Variants in HOOK1 observed in about 807,000 individuals in gnomAD.
HOOK1 encodes hook microtubule tethering protein 1, also known as protein Hook homolog 1.
HOOK1 carries 60 observed loss-of-function variants against 112.8 expected under a neutral mutation model. The ratio of observed to expected loss-of-function variants is 0.53; its 90% CI spans 0.43 to 0.66. The LOEUF (loss-of-function observed/expected upper bound fraction) is 0.66, where lower values mean the gene tolerates loss of function less well. HOOK1 is among the 30% of genes least tolerant of loss of function. HOOK1 has a pLI of 0.00. For missense variants in HOOK1, 770 were observed against 856.0 expected (o/e 0.90, Z 1.25); for synonymous variants, 294 against 283.8 (o/e 1.04, Z -0.36).
chr1:59,818,856 G>A (rs950109925), intron 1 of HOOK1, among the ~76,000 whole-genome samples: 1 of 152,094 alleles, frequency 6.6e-6, no homozygotes, highest in Non-Finnish European at 1.5e-5. Context: ...GTTGATCCAA[G>A]ATTGAGTTTT....
At chr1:59,867,454 T>A (rs149769267) in intron 19 of HOOK1, among the ~76,000 whole-genome samples, 1 of 152,198 alleles carries the variant, frequency 6.6e-6, no homozygotes, top group Non-Finnish European at 1.5e-5. Flanking sequence ...TACCATCCAG[T>A]CTTCTTCTTT....
At chr1:59,857,063 G>T (rs1385136767) in intron 12 of HOOK1, among the ~76,000 whole-genome samples, 1 of 152,144 alleles carries the variant, frequency 6.6e-6, no homozygotes, top group East Asian at 1.9e-4. Flanking sequence ...AGTACCTGTG[G>T]TGGCAAACAG....
chr1:59,842,384 T>G (rs1362016033), intron 8 of HOOK1, among the ~76,000 whole-genome samples: 1 of 152,158 alleles, frequency 6.6e-6, no homozygotes, highest in Non-Finnish European at 1.5e-5. Context: ...GTAATAGTAG[T>G]CACTAAACAG....
At chr1:59,870,459 T>C (rs1260336048) in intron 20 of HOOK1, among the ~76,000 whole-genome samples, 2 of 152,220 alleles carry the variant, frequency 1.3e-5, no homozygotes, top group Non-Finnish European at 2.9e-5. Flanking sequence ...ATATACTTTT[T>C]GTATCATGAA....
chr1:59,859,534 A>G (rs1024380120), intron 14 of HOOK1, among the ~76,000 whole-genome samples: 2 of 152,030 alleles, frequency 1.3e-5, no homozygotes. Flanking sequence ...GGCATTCAGA[A>G]GAACAAAAAT....
chr1:59,862,267 A>G (rs562944081), intron 15 of HOOK1, among the ~76,000 whole-genome samples: 6 of 152,312 alleles, frequency 3.9e-5, no homozygotes, highest in Admixed American at 2.6e-4. Context: ...TTCCAGTGGA[A>G]GTAACTCTTA....
chr1:59,872,824 A>G lies in HOOK1; in HGVS notation c.2046A>G (p.Glu682=). Residue 682 remains glutamate, a synonymous_variant, in exon 22 of 22, where the codon GAA becomes GAG. Coordinates refer to ENST00000371208, the MANE Select transcript of HOOK1 (RefSeq NM_015888.6). Reference sequence around the variant, plus strand: ...TAGCATTCCAGAAACTGGGGATGGAATCTAGACTTGTGAGCGGCGGTGGTG... The same window carrying G: ...TAGCATTCCAGAAACTGGGGATGGAGTCTAGACTTGTGAGCGGCGGTGGTG... ...KSLAFQKLGM[E]SRLVSGGGAC... is the part of the protein sequence containing the mutation. 1 of 1,467,146 alleles carries G rather than the reference A, an allele frequency of 6.8e-7. No individual in the cohort carries two copies. The highest frequency in any genetic ancestry group is 9.1e-7 in the Non-Finnish European group (1 of 1,096,494). The allele number at this position is 1,467,146 out of a possible 1,614,324, so 90.9% of individuals were successfully genotyped here. A position where few individuals can be genotyped will look rare whatever the true frequency, so the allele number is the denominator to read the frequency against.
chr1:59,873,032 A>G lies in HOOK1; in HGVS notation c.*67A>G. 1 of 1,179,382 alleles carries G rather than the reference A, an allele frequency of 8.5e-7. No individual in the cohort carries two copies. The highest frequency in any genetic ancestry group is 1.1e-6 in the Non-Finnish European group (1 of 906,546). The allele number at this position is 1,179,382 out of a possible 1,614,324, so 73.1% of individuals were successfully genotyped here. A position where few individuals can be genotyped will look rare whatever the true frequency, so the allele number is the denominator to read the frequency against. ...TAGAAGTGTCCTTAAAATATTTTGT[A>G]CCTTTCAACTAACTACCAGATTGAA... On this transcript the variant is annotated 3_prime_UTR_variant, in exon 22 of 22. Coordinates refer to ENST00000371208, the MANE Select transcript of HOOK1 (RefSeq NM_015888.6).
At chr1:59,821,677 C>A (rs34986693) in intron 1 of HOOK1, among the ~76,000 whole-genome samples, 181 bp from the exon 2 acceptor site, 7,232 of 151,978 alleles carry the variant, frequency 0.048, 396 homozygotes, top group African/African-American at 0.13. Context: ...TATAAAGTTA[C>A]ACAGCCATAG....
At chr1:59,833,621 T>G (rs999311446) in intron 5 of HOOK1, 84 bp downstream of exon 5, 52 of 1,173,756 alleles carry the variant, frequency 4.4e-5, no homozygotes, top group Admixed American at 5.7e-5. Flanking sequence ...AATCATACTA[T>G]TAAAGCTTGG....
At chr1:59,829,241 T>C (rs2098392125) in intron 3 of HOOK1, among the ~76,000 whole-genome samples, 1 of 152,140 alleles carries the variant, frequency 6.6e-6, no homozygotes, top group Non-Finnish European at 1.5e-5. Flanking sequence ...TTAGTAGTTA[T>C]TTCTTTTTTT....
intron 12 of HOOK1, among the ~76,000 whole-genome samples, chr1:59,856,223 G>A (rs1230915867): frequency 6.7e-6 from 1 of 149,358 alleles, no homozygotes; most frequent in Non-Finnish European, 1.5e-5. Context: ...GGGATTCCAG[G>A]CATGAGCTAC....
At chr1:59,864,714 TA>T in intron 17 of HOOK1, 48 bp downstream of exon 17, 1 of 1,140,934 alleles carries the variant, frequency 8.8e-7, no homozygotes, top group East Asian at 2.4e-5. Context: ...GGAGGGGTTG[TA>T]AAAGCCTCTA....
chr1:59,815,661 G>C (rs2098380809), intron 1 of HOOK1, among the ~76,000 whole-genome samples: 1 of 151,970 alleles, frequency 6.6e-6, no homozygotes, highest in African/African-American at 2.4e-5. Flanking sequence ...GCCAGGAGGT[G>C]GCTGGCTGTT....
At chr1:59,816,633 A>G (rs1242710518) in intron 1 of HOOK1, among the ~76,000 whole-genome samples, 1 of 152,210 alleles carries the variant, frequency 6.6e-6, no homozygotes, top group African/African-American at 2.4e-5. Context: ...CACTCTTTTA[A>G]CCAGAATTTA....
At chr1:59,867,736 A>G (rs1480807713) in intron 19 of HOOK1, among the ~76,000 whole-genome samples, 1 of 152,152 alleles carries the variant, frequency 6.6e-6, no homozygotes, top group African/African-American at 2.4e-5. Context: ...TTTTGCAAAT[A>G]AAATCACCAG....
chr1:59,829,201 A>G (rs974772277), intron 3 of HOOK1, among the ~76,000 whole-genome samples: 28 of 152,050 alleles, frequency 1.8e-4, no homozygotes, highest in African/African-American at 6.8e-4. Flanking sequence ...CACTCAGTGT[A>G]ATTTTTCAGT....
chr1:59,839,974 T>G (rs1484816928), intron 7 of HOOK1, among the ~76,000 whole-genome samples: 2 of 152,198 alleles, frequency 1.3e-5, no homozygotes, highest in Non-Finnish European at 2.9e-5. Flanking sequence ...TTGGTTCTGT[T>G]TATGTGATGG....
chr1:59,821,987 A>G (rs1559042276), intron 2 of HOOK1, 44 bp downstream of exon 2: 2 of 1,433,856 alleles, frequency 1.4e-6, no homozygotes. Context: ...TGTAAACCCA[A>G]TACATACCAA....
Sources: gnomAD v4.1 joint callset for allele counts (sites outside exome capture counted in the v4.1 genomes callset) on GRCh38, gnomAD v4.1.1 for gene constraint, MANE v1.5 for transcripts, NCBI Gene and HGNC (gene_info 2026-07-23, HGNC 2026-07-21) for gene names.